The following F13A1 variants were observed in gnomAD, a reference collection of about 807,000 sequenced individuals.
The protein encoded by F13A1 is FSF, A subunit.
A neutral mutation model predicts 80.1 loss-of-function variants in F13A1; 47 were observed. The observed-to-expected ratio is 0.59, with a 90% confidence interval of 0.46 to 0.75. F13A1 has a LOEUF of 0.75. Ranked by LOEUF, F13A1 falls within the 30% of genes least tolerant of loss-of-function variation. The pLI is 0.00. For missense variants in F13A1, 817 were observed against 930.4 expected (o/e 0.88, Z 1.59); for synonymous variants, 349 against 344.9 (o/e 1.01, Z -0.13).
At chr6:6,181,583 A>C (rs1760987357) in intron 11 of F13A1, among the ~76,000 whole-genome samples, 1 of 152,218 alleles carries the variant, frequency 6.6e-6, no homozygotes, top group Non-Finnish European at 1.5e-5. Context: ...ATGTATGTGG[A>C]AATAATTGGT....
chr6:6,202,050 ATTAAG>A (rs1379041345), intron 8 of F13A1, among the ~76,000 whole-genome samples: 4 of 151,764 alleles, frequency 2.6e-5, no homozygotes, highest in Admixed American at 2.0e-4. Context: ...TTGCAGGATA[ATTAAG>A]TTAATAACAT....
chr6:6,306,802 ATG>A (rs1758519049), intron 2 of F13A1, among the ~76,000 whole-genome samples: 1 of 152,230 alleles, frequency 6.6e-6, no homozygotes, highest in African/African-American at 2.4e-5. Context: ...GCTTGTACCC[ATG>A]CCGGGGCATC....
chr6:6,228,664 G>C (rs1394561962), intron 6 of F13A1, among the ~76,000 whole-genome samples: 1 of 147,360 alleles, frequency 6.8e-6, no homozygotes, highest in Non-Finnish European at 1.5e-5. Context: ...AACCGGGGAG[G>C]CAGAGGTTGC....
intron 12 of F13A1, among the ~76,000 whole-genome samples, chr6:6,173,413 T>C (rs1279939894): frequency 4.3e-5 from 2 of 46,526 alleles, no homozygotes; most frequent in Non-Finnish European, 8.4e-5. Flanking sequence ...TCTTTTCTTT[T>C]TTTTTTTTTT....
chr6:6,257,204 G>A (rs1397757101), intron 4 of F13A1, among the ~76,000 whole-genome samples: 1 of 152,180 alleles, frequency 6.6e-6, no homozygotes, highest in South Asian at 2.1e-4. Context: ...ACTCCGGACT[G>A]GTGTCACCAT....
chr6:6,213,137 T>A (rs1171623302), intron 8 of F13A1, among the ~76,000 whole-genome samples: 1 of 152,112 alleles, frequency 6.6e-6, no homozygotes, highest in African/African-American at 2.4e-5. Flanking sequence ...TTCCCCAATC[T>A]AGCAAGGCAG....
At chr6:6,184,261 G>T (rs1279142767) in intron 10 of F13A1, among the ~76,000 whole-genome samples, 1 of 152,222 alleles carries the variant, frequency 6.6e-6, no homozygotes, top group Non-Finnish European at 1.5e-5. Context: ...ATGGCTAGGA[G>T]CTGCTGGAGA....
At chr6:6,168,597 T>A (rs1273755632) in intron 12 of F13A1, among the ~76,000 whole-genome samples, 3 of 152,358 alleles carry the variant, frequency 2.0e-5, no homozygotes, top group Non-Finnish European at 2.9e-5. Flanking sequence ...ACAGACTCTA[T>A]GAACCTTCAC....
At chr6:6,247,433 T>C (rs560539019) in intron 6 of F13A1, among the ~76,000 whole-genome samples, 48 of 152,336 alleles carry the variant, frequency 3.2e-4, no homozygotes, top group African/African-American at 4.8e-4. Context: ...AATAATCTAC[T>C]CTTCAGCCAG....
intron 12 of F13A1, among the ~76,000 whole-genome samples, chr6:6,174,042 T>G (rs1156419864): frequency 6.6e-6 from 1 of 152,230 alleles, no homozygotes; most frequent in African/African-American, 2.4e-5. Flanking sequence ...CATGGGGCTC[T>G]AGGCTTTGAA....
rs564358275 is a variant in F13A1 at position 6,300,538 on chromosome 6, G to C, written c.319+4813C>G. Among the ~76,000 whole-genome samples, 682 of 152,018 alleles carry C rather than the reference G, an allele frequency of 4.5e-3. 6 individuals carry two copies. Among genetic ancestry groups the C allele is most frequent in the African/African-American group, 0.015 (640 of 41,446 alleles). ...CGTCCGTCACCCCTTTCTTTGACTC[G>C]GAAAGGGAACTCCCTGACCCCTTGC... On this transcript the variant is annotated intron_variant, in intron 3 of 14. Transcript: ENST00000264870.
At chr6:6,278,669 G>A (rs1282872352) in intron 3 of F13A1, among the ~76,000 whole-genome samples, 1 of 151,964 alleles carries the variant, frequency 6.6e-6, no homozygotes, top group Non-Finnish European at 1.5e-5. Flanking sequence ...GGGAATTGGG[G>A]GAGATTAGAC....
chr6:6,272,582 C>T (rs1757936041), intron 3 of F13A1, among the ~76,000 whole-genome samples: 1 of 152,316 alleles, frequency 6.6e-6, no homozygotes, highest in Admixed American at 6.5e-5. Context: ...AATAAGAAGA[C>T]TTCTGGCCAT....
intron 8 of F13A1, among the ~76,000 whole-genome samples, chr6:6,218,393 C>T (rs939565606): frequency 1.3e-5 from 2 of 152,146 alleles, no homozygotes; most frequent in Non-Finnish European, 2.9e-5. Flanking sequence ...ATTGAGCAAG[C>T]GTCTTCATTA....
intron 3 of F13A1, chr6:6,305,083 TGAGG>T: frequency 2.0e-6 from 1 of 503,330 alleles, no homozygotes; most frequent in Non-Finnish European, 3.6e-6. Context: ...ACCATTTGTT[TGAGG>T]AAGAATAATT....
At chr6:6,312,865 C>T (rs1257312869) in intron 2 of F13A1, among the ~76,000 whole-genome samples, 1 of 151,924 alleles carries the variant, frequency 6.6e-6, no homozygotes, top group Non-Finnish European at 1.5e-5. Flanking sequence ...ATGGGTTGTC[C>T]AAAGTATTGG....
intron 4 of F13A1, among the ~76,000 whole-genome samples, chr6:6,256,839 G>C (rs1757710314): frequency 6.6e-6 from 1 of 151,702 alleles, no homozygotes; most frequent in South Asian, 2.1e-4. Context: ...CTATTTCAAA[G>C]TCAGAGCAAG....
chr6:6,189,930 TTC>T (rs1761154687), intron 10 of F13A1, among the ~76,000 whole-genome samples: 1 of 152,192 alleles, frequency 6.6e-6, no homozygotes, highest in African/African-American at 2.4e-5. Flanking sequence ...TTTCTTTTTA[TTC>T]TTTTTTCTCT....
chr6:6,161,740 T>A (rs976930252), intron 13 of F13A1, among the ~76,000 whole-genome samples: 1 of 152,176 alleles, frequency 6.6e-6, no homozygotes. Flanking sequence ...GATCACACAC[T>A]CTGACTCACA....
Sources: allele counts gnomAD v4.1 joint callset (sites outside exome capture counted in the v4.1 genomes callset), GRCh38; gene constraint gnomAD v4.1.1; transcripts MANE v1.5; gene names NCBI Gene and HGNC (gene_info 2026-07-23, HGNC 2026-07-21).